STPG2: variants seen among roughly 807,000 people sequenced by gnomAD.
STPG2 encodes the protein sperm-tail PG-rich repeat-containing protein 2.
In STPG2, 56 loss-of-function variants were observed where a neutral mutation model predicts 54.2. That is an observed-to-expected ratio of 1.03 (90% CI 0.83 to 1.29). STPG2 has a LOEUF of 1.29. STPG2 is among the 50% of genes most tolerant of loss of function. STPG2 has a pLI of 0.00. For synonymous variants in STPG2, 200 were observed against 181.8 expected (o/e 1.10, Z -0.81); for missense variants, 596 against 544.9 (o/e 1.09, Z -0.93).
intron 10 of STPG2, among the ~76,000 whole-genome samples, chr4:97,560,422 C>T (rs145175773): frequency 6.6e-6 from 1 of 152,152 alleles, no homozygotes; most frequent in East Asian, 1.9e-4. Context: ...ATTTGAAGAA[C>T]ATGACTGTTT....
At chr4:97,477,469 CTTTT>C (rs1296591743) in intron 4 of STPG2, among the ~76,000 whole-genome samples, 1 of 145,622 alleles carries the variant, frequency 6.9e-6, no homozygotes, top group African/African-American at 2.5e-5. Flanking sequence ...GTTTACCTTC[CTTTT>C]TTGTTTTTTT....
At chr4:97,730,038 T>G (rs1724750196) in intron 9 of STPG2, among the ~76,000 whole-genome samples, 2 of 152,152 alleles carry the variant, frequency 1.3e-5, no homozygotes, top group South Asian at 4.1e-4. Flanking sequence ...GGGGTACATA[T>G]GCGGATGTTA....
intron 8 of STPG2, among the ~76,000 whole-genome samples, chr4:97,908,211 A>T (rs1731524657): frequency 6.6e-6 from 1 of 152,218 alleles, no homozygotes; most frequent in African/African-American, 2.4e-5. Flanking sequence ...AAAGGACATG[A>T]ACACACACTT....
intron 9 of STPG2, among the ~76,000 whole-genome samples, chr4:97,789,743 T>C (rs1215440288): frequency 6.6e-6 from 1 of 152,176 alleles, no homozygotes. Flanking sequence ...AATTCTCTAA[T>C]GTGTTTCTCT....
At chr4:97,446,813 C>T (rs1276058490) in intron 4 of STPG2, among the ~76,000 whole-genome samples, 4 of 152,196 alleles carry the variant, frequency 2.6e-5, no homozygotes, top group Non-Finnish European at 4.4e-5. Context: ...AACTGTGAAT[C>T]AGTTAAACCT....
chr4:97,990,486 C>T (rs1463757191), intron 5 of STPG2, among the ~76,000 whole-genome samples: 1 of 152,122 alleles, frequency 6.6e-6, no homozygotes, highest in Non-Finnish European at 1.5e-5. Context: ...AGACAACCTG[C>T]ATTAATATCA....
At chr4:98,062,314 G>A (rs1159527689) in intron 5 of STPG2, among the ~76,000 whole-genome samples, 2 of 152,114 alleles carry the variant, frequency 1.3e-5, no homozygotes, top group East Asian at 3.9e-4. Context: ...GAGGGTGGGA[G>A]GAGGGAAAGG....
At chr4:97,866,248 A>G (rs1210945198) in intron 8 of STPG2, among the ~76,000 whole-genome samples, 1 of 152,042 alleles carries the variant, frequency 6.6e-6, no homozygotes, top group East Asian at 1.9e-4. Flanking sequence ...CTAAAAGAGT[A>G]TAATTGAATT....
intron 4 of STPG2, among the ~76,000 whole-genome samples, chr4:97,548,041 T>A (rs550045232): frequency 6.6e-6 from 1 of 152,190 alleles, no homozygotes; most frequent in Non-Finnish European, 1.5e-5. Context: ...TCCCAGCTAC[T>A]CGGGAGGCTG....
chr4:97,896,164 T>C (rs1327437752), intron 8 of STPG2, among the ~76,000 whole-genome samples: 2 of 151,710 alleles, frequency 1.3e-5, no homozygotes, highest in Admixed American at 1.3e-4. Flanking sequence ...TCTCCAAACA[T>C]AGAACACAAT....
chr4:97,906,777 C>A (rs901061224), intron 8 of STPG2, among the ~76,000 whole-genome samples: 81 of 152,212 alleles, frequency 5.3e-4, no homozygotes, highest in Admixed American at 5.2e-3. Context: ...ACATGATTAT[C>A]TCAATAGATG....
chr4:97,600,035 A>G (rs1733417009), intron 10 of STPG2, among the ~76,000 whole-genome samples: 1 of 152,104 alleles, frequency 6.6e-6, no homozygotes, highest in Non-Finnish European at 1.5e-5. Context: ...GAAGCTAAAC[A>G]TTGAGTACAC....
At chr4:97,595,009 A>C (rs934123952) in intron 10 of STPG2, among the ~76,000 whole-genome samples, 2 of 152,192 alleles carry the variant, frequency 1.3e-5, no homozygotes, top group South Asian at 4.1e-4. Flanking sequence ...GTGGGACTGT[A>C]AACTAGTTCA....
chr4:97,831,405 C>T (rs748402654), intron 9 of STPG2, among the ~76,000 whole-genome samples: 3 of 151,922 alleles, frequency 2.0e-5, no homozygotes, highest in Non-Finnish European at 2.9e-5. Flanking sequence ...TACTAAATGG[C>T]CACAAGAGAA....
chr4:97,645,068 C>A (rs534212137), intron 10 of STPG2, among the ~76,000 whole-genome samples: 2 of 152,060 alleles, frequency 1.3e-5, no homozygotes, highest in Non-Finnish European at 2.9e-5. Flanking sequence ...TATGAAATTT[C>A]TCTGATAACT....
At chr4:97,979,746 G>A (rs950719962) in intron 6 of STPG2, among the ~76,000 whole-genome samples, 1 of 146,042 alleles carries the variant, frequency 6.8e-6, no homozygotes, top group Non-Finnish European at 1.5e-5. Flanking sequence ...TTTTTTTTGA[G>A]ACGGAGTCTT....
chr4:97,495,107 T>C (rs1035240666), intron 4 of STPG2, among the ~76,000 whole-genome samples: 3 of 151,546 alleles, frequency 2.0e-5, no homozygotes, highest in Non-Finnish European at 4.4e-5. Context: ...ATATTGAATA[T>C]AGATATATAA....
chr4:97,464,245 A>C (rs565988831), intron 4 of STPG2, among the ~76,000 whole-genome samples: 1 of 152,356 alleles, frequency 6.6e-6, no homozygotes, highest in African/African-American at 2.4e-5. Flanking sequence ...AACAGTAAAA[A>C]ATGACACAAA....
chr4:97,585,150 G>T (rs192131756), intron 10 of STPG2, among the ~76,000 whole-genome samples: 7 of 119,912 alleles, frequency 5.8e-5, no homozygotes, highest in Middle Eastern at 5.6e-3. Flanking sequence ...ACATCCAACA[G>T]CATTATCAAA....
Sources: gnomAD v4.1 joint callset for allele counts (sites outside exome capture counted in the v4.1 genomes callset) on GRCh38, gnomAD v4.1.1 for gene constraint, MANE v1.5 for transcripts, NCBI Gene and HGNC (gene_info 2026-07-23, HGNC 2026-07-21) for gene names.